Variants in GALNT13 observed in about 807,000 individuals in gnomAD.
GALNT13 encodes the protein polypeptide N-acetylgalactosaminyltransferase 13.
In GALNT13, 28 loss-of-function variants were observed where a neutral mutation model predicts 64.2. That is an observed-to-expected ratio of 0.44 (90% CI 0.32 to 0.60). The LOEUF is 0.60. Ranked by LOEUF, GALNT13 falls within the 20% of genes least tolerant of loss-of-function variation. The probability of loss-of-function intolerance (pLI) is 0.05; values close to 1 mark genes in which losing one functional copy is unlikely to be tolerated. For synonymous variants in GALNT13, 214 were observed against 224.6 expected, an observed-to-expected ratio of 0.95 and a Z score of 0.42; for missense variants, 577 against 669.8, an observed-to-expected ratio of 0.86 and a Z score of 1.53.
rs377623633 is a variant in GALNT13 at position 154,077,229 on chromosome 2, G to C, written c.143-63108G>C. On this transcript the variant is annotated intron_variant, in intron 3 of 12. Transcript: ENST00000392825. ...AAAATCTCTAATTTTAACATTGCTT[G>C]TTTATATATTAGGAACTTTTAGGGG... Among the ~76,000 whole-genome samples the C allele has an allele frequency of 1.2e-3, 179 of 151,588 alleles. 5 individuals carry two copies. In the South Asian group the frequency reaches 0.036, roughly 30 times the overall value.
the GALNT13 span, among the ~76,000 whole-genome samples, chr2:153,192,681 A>T: frequency 5.3e-5 from 8 of 152,110 alleles, no homozygotes; most frequent in African/African-American, 1.9e-4. Context: ...TGCTCCAGTG[A>T]TGAGTGCATT....
the GALNT13 span, among the ~76,000 whole-genome samples, chr2:153,404,633 A>T: frequency 6.6e-6 from 1 of 152,170 alleles, no homozygotes; most frequent in Non-Finnish European, 1.5e-5. Flanking sequence ...TTTGGAATCC[A>T]GGAAGGAACA....
At chr2:153,945,017 A>T (rs1691614555) in intron 3 of GALNT13, among the ~76,000 whole-genome samples, 1 of 152,192 alleles carries the variant, frequency 6.6e-6, no homozygotes, top group Non-Finnish European at 1.5e-5. Context: ...CACTAAAGTG[A>T]GACAGGTGGC....
chr2:154,093,658 A>T, intron 3 of GALNT13, among the ~76,000 whole-genome samples: 1 of 143,796 alleles, frequency 7.0e-6, no homozygotes, highest in Non-Finnish European at 1.5e-5. Flanking sequence ...GCATTTTGCC[A>T]CACATTATTT....
chr2:154,147,341 T>C (rs1189111765), intron 4 of GALNT13, among the ~76,000 whole-genome samples: 1 of 149,650 alleles, frequency 6.7e-6, no homozygotes, highest in African/African-American at 2.4e-5. Context: ...ATGGAATATA[T>C]ATATTTGAAT....
intron 8 of GALNT13, among the ~76,000 whole-genome samples, chr2:154,284,487 A>G (rs117878643): frequency 1.7e-3 from 262 of 151,812 alleles, no homozygotes; most frequent in African/African-American, 4.6e-3. Flanking sequence ...ATATATATAT[A>G]TGTGTGTATA....
the GALNT13 span, among the ~76,000 whole-genome samples, chr2:153,439,508 C>G: frequency 6.6e-6 from 1 of 152,198 alleles, no homozygotes. Context: ...CTACTCAAGC[C>G]TGGGCAATAG....
chr2:154,153,825 G>A (rs1684226040), intron 4 of GALNT13, among the ~76,000 whole-genome samples: 2 of 152,348 alleles, frequency 1.3e-5, no homozygotes, highest in Admixed American at 1.3e-4. Flanking sequence ...TTTTCCAGGT[G>A]CCATCTGTCA....
At chr2:153,545,001 A>G in the GALNT13 span, among the ~76,000 whole-genome samples, 24 of 152,334 alleles carry the variant, frequency 1.6e-4, no homozygotes, top group African/African-American at 4.6e-4. Flanking sequence ...AGTTGGATCA[A>G]TGTTCTCTGA....
the GALNT13 span, among the ~76,000 whole-genome samples, chr2:153,846,344 C>T: frequency 6.6e-6 from 1 of 152,064 alleles, no homozygotes; most frequent in African/African-American, 2.4e-5. Context: ...CAAAATACTG[C>T]CACTGTCATT....
the GALNT13 span, among the ~76,000 whole-genome samples, chr2:153,224,675 T>C: frequency 6.6e-6 from 1 of 152,172 alleles, no homozygotes; most frequent in African/African-American, 2.4e-5. Context: ...GTTATCACTA[T>C]AGATTCTGCA....
the GALNT13 span, among the ~76,000 whole-genome samples, chr2:153,361,452 T>A: frequency 6.6e-6 from 1 of 151,836 alleles, no homozygotes; most frequent in Admixed American, 6.6e-5. Context: ...TCTAACCCAA[T>A]GCAAAGAAGG....
the GALNT13 span, among the ~76,000 whole-genome samples, chr2:153,802,532 C>A: frequency 1.1e-4 from 17 of 152,300 alleles, no homozygotes; most frequent in African/African-American, 3.9e-4. Context: ...CCAGGCTCTG[C>A]TCACTCTGCT....
chr2:153,503,056 C>A, the GALNT13 span, among the ~76,000 whole-genome samples: 1 of 152,108 alleles, frequency 6.6e-6, no homozygotes, highest in Non-Finnish European at 1.5e-5. Flanking sequence ...CTGATTATTT[C>A]TTTTGCTGTG....
the GALNT13 span, among the ~76,000 whole-genome samples, chr2:153,633,761 A>T: frequency 6.6e-6 from 1 of 152,168 alleles, no homozygotes; most frequent in Non-Finnish European, 1.5e-5. Context: ...GTGATGCTAG[A>T]GATTTATGAA....
intron 9 of GALNT13, among the ~76,000 whole-genome samples, chr2:154,368,730 T>C (rs1379507272): frequency 6.6e-6 from 1 of 152,180 alleles, no homozygotes; most frequent in Non-Finnish European, 1.5e-5. Context: ...CATACAGTTA[T>C]AGGAACAGGG....
At chr2:153,547,051 C>T in the GALNT13 span, among the ~76,000 whole-genome samples, 36 of 152,322 alleles carry the variant, frequency 2.4e-4, no homozygotes, top group South Asian at 7.2e-3. Context: ...AGTGGTTCCA[C>T]TGTAAAATAA....
At chr2:153,142,711 G>A in the GALNT13 span, among the ~76,000 whole-genome samples, 1 of 151,894 alleles carries the variant, frequency 6.6e-6, no homozygotes, top group Non-Finnish European at 1.5e-5. Context: ...TGTTATGTAT[G>A]GAAATGGGAA....
chr2:153,391,635 C>G, the GALNT13 span, among the ~76,000 whole-genome samples: 1 of 151,976 alleles, frequency 6.6e-6, no homozygotes, highest in Non-Finnish European at 1.5e-5. Context: ...TATCTAAACC[C>G]CATGATCTCC....
Sources: gnomAD v4.1 joint callset for allele counts (sites outside exome capture counted in the v4.1 genomes callset) on GRCh38, gnomAD v4.1.1 for gene constraint, MANE v1.5 for transcripts, NCBI Gene and HGNC (gene_info 2026-07-23, HGNC 2026-07-21) for gene names.